The following NUDC variants were observed in gnomAD, a reference collection of about 807,000 sequenced individuals.
NUDC encodes the protein nuclear distribution C, dynein complex regulator, also known as nuclear migration protein nudC.
A neutral mutation model predicts 45.0 loss-of-function variants in NUDC; 14 were observed. The ratio of observed to expected loss-of-function variants is 0.31; its 90% CI spans 0.21 to 0.49. The LOEUF is 0.49. Ranked by LOEUF, NUDC falls within the 20% of genes least tolerant of loss-of-function variation. The probability of loss-of-function intolerance (pLI) is 0.99; values close to 1 mark genes in which losing one functional copy is unlikely to be tolerated. For missense variants in NUDC, 323 were observed against 426.2 expected (o/e 0.76, Z 2.13); for synonymous variants, 153 against 156.7 (o/e 0.98, Z 0.17).
Position 26,921,939 on chromosome 1 carries a change from C to G in NUDC, c.81+10C>G, listed in dbSNP as rs1014915250. Reference sequence around the variant, plus strand: ...GGGCGGCGTGCAGGAGGTAACGGCCCGCGCGGCGTCGGCCCACCCGGCGGC... The same window carrying G: ...GGGCGGCGTGCAGGAGGTAACGGCCGGCGCGGCGTCGGCCCACCCGGCGGC... On this transcript the variant is annotated intron_variant, in intron 1 of 8. Coordinates refer to ENST00000321265, the MANE Select transcript of NUDC (RefSeq NM_006600.4). 11 of 1,549,328 alleles carry G rather than the reference C, an allele frequency of 7.1e-6. No homozygotes were observed. Among genetic ancestry groups the G allele is most frequent in the Non-Finnish European group, 9.6e-6 (11 of 1,146,100 alleles).
chr1:26,913,241 C>T (rs988868139), intron 3 of NUDC, among the ~76,000 whole-genome samples: 1 of 152,044 alleles, frequency 6.6e-6, no homozygotes, highest in Non-Finnish European at 1.5e-5. Flanking sequence ...GAGCCAAGAT[C>T]GCACCACTGC....
intron 2 of NUDC, among the ~76,000 whole-genome samples, chr1:26,934,749 T>A (rs2082213219): frequency 6.6e-6 from 1 of 150,460 alleles, no homozygotes; most frequent in Non-Finnish European, 1.5e-5. Flanking sequence ...AAGCTCCGCC[T>A]CCTGGGTTCA....
intron 3 of NUDC, chr1:26,911,499 C>A: frequency 1.4e-5 from 5 of 352,412 alleles, no homozygotes; most frequent in South Asian, 1.2e-4. Context: ...GTGTTTCATA[C>A]CTTTTATTAC....
chr1:26,945,212 C>T, intron 6 of NUDC, 178 bp from the exon 7 acceptor site: 1 of 651,128 alleles, frequency 1.5e-6, no homozygotes, highest in Admixed American at 2.3e-5. Context: ...CTCTTTGCCT[C>T]TGTGTCTCCC....
rs150064860 is a variant in NUDC at position 26,937,189 on chromosome 1, C to T, written c.160-4268C>T. On this transcript the variant is annotated intron_variant, in intron 2 of 8. Coordinates refer to ENST00000321265, the MANE Select transcript of NUDC (RefSeq NM_006600.4). Reference sequence around the variant, plus strand: ...GTATGGGGGTGGGGCCTGGAGCCTCCGTACCCTCTCTGGGTGTGCCACCCT... The same window carrying T: ...GTATGGGGGTGGGGCCTGGAGCCTCTGTACCCTCTCTGGGTGTGCCACCCT... Among the ~76,000 whole-genome samples the T allele has an allele frequency of 2.0e-4, 30 of 152,286 alleles. No individual in the cohort carries two copies. In the East Asian group the frequency reaches 3.5e-3, roughly 18 times the overall value.
intron 2 of NUDC, among the ~76,000 whole-genome samples, chr1:26,937,711 G>C (rs1370134393): frequency 6.6e-6 from 1 of 151,310 alleles, no homozygotes; most frequent in East Asian, 2.0e-4. Flanking sequence ...GGGGTGCAGT[G>C]ATGTGATCAT....
At chr1:26,920,914 G>A (rs1179026137), upstream of NUDC, among the ~76,000 whole-genome samples, 1 of 152,164 alleles carries the variant, frequency 6.6e-6, no homozygotes, top group Non-Finnish European at 1.5e-5. Flanking sequence ...ACTCCAGCTT[G>A]GGTGACAATG....
intron 4 of NUDC, among the ~76,000 whole-genome samples, chr1:26,942,317 C>T (rs1173228122): frequency 2.0e-5 from 3 of 152,130 alleles, no homozygotes; most frequent in African/African-American, 7.2e-5. Flanking sequence ...AACCGACTGA[C>T]CTTAACCTGT....
chr1:26,900,525 T>C, intron 1 of NUDC: 1 of 1,183,774 alleles, frequency 8.4e-7, no homozygotes, highest in Non-Finnish European at 1.2e-6. Context: ...TGCGAGATTG[T>C]GAAAATTCTA....
chr1:26,929,684 G>T (rs1229592835), intron 2 of NUDC: 2 of 425,896 alleles, frequency 4.7e-6, no homozygotes, highest in Admixed American at 4.8e-5. Flanking sequence ...ATTTTTTGAT[G>T]AGTAAATATT....
chr1:26,904,048 TAATAAATA>T (rs1012765775), intron 2 of NUDC, among the ~76,000 whole-genome samples: 1 of 143,402 alleles, frequency 7.0e-6, no homozygotes, highest in African/African-American at 2.5e-5. Context: ...AATAAATAAA[TAATAAATA>T]AATAAATAAA....
chr1:26,930,104 T>C lies in NUDC; in HGVS notation c.159+5938T>C, dbSNP rs182582815. On this transcript the variant is annotated intron_variant, in intron 2 of 8. Transcript: ENST00000321265. ...TCTCCAGAAAAGCATACCAATTCTT[T>C]AAATATTACCAGAGATCCACATCCA... Among the ~76,000 whole-genome samples, 55 of 152,326 alleles carry C rather than the reference T, an allele frequency of 3.6e-4. No individual in the cohort carries two copies. In the East Asian group the frequency reaches 7.3e-3, roughly 20 times the overall value.
At chr1:26,922,986 T>C (rs1231209747) in intron 1 of NUDC, among the ~76,000 whole-genome samples, 1 of 152,220 alleles carries the variant, frequency 6.6e-6, no homozygotes, top group African/African-American at 2.4e-5. Context: ...ACGGAAACCA[T>C]TGAGATATGT....
chr1:26,944,416 T>C (rs1382197078), intron 6 of NUDC, among the ~76,000 whole-genome samples: 1 of 152,162 alleles, frequency 6.6e-6, no homozygotes, highest in Non-Finnish European at 1.5e-5. Flanking sequence ...CAGGCTGGTC[T>C]GAAACTCCTG....
chr1:26,929,006 G>C (rs1339895788), intron 2 of NUDC, among the ~76,000 whole-genome samples: 1 of 152,134 alleles, frequency 6.6e-6, no homozygotes, highest in African/African-American at 2.4e-5. Flanking sequence ...AAGGTGGAAG[G>C]AACCAAAGGC....
At chr1:26,901,621 TCTCGAA>T (rs2081979454) in intron 1 of NUDC, among the ~76,000 whole-genome samples, 1 of 151,992 alleles carries the variant, frequency 6.6e-6, no homozygotes, top group Non-Finnish European at 1.5e-5. Context: ...GTCAGGCTGG[TCTCGAA>T]CTCCTGACCT....
At chr1:26,918,450 T>A (rs559365910), upstream of NUDC, among the ~76,000 whole-genome samples, 3 of 152,084 alleles carry the variant, frequency 2.0e-5, no homozygotes, top group East Asian at 5.8e-4. Flanking sequence ...ATTTTTCGTA[T>A]TTTTTAGTAG....
intron 2 of NUDC, among the ~76,000 whole-genome samples, chr1:26,927,238 GGC>G (rs1212893848): frequency 8.3e-5 from 10 of 119,768 alleles, no homozygotes; most frequent in African/African-American, 2.8e-4. Flanking sequence ...GGAGCACAGT[GGC>G]TGTAAGAAGG....
chr1:26,901,162 T>C (rs1173265560), intron 1 of NUDC, among the ~76,000 whole-genome samples: 2 of 152,106 alleles, frequency 1.3e-5, no homozygotes, highest in African/African-American at 2.4e-5. Context: ...TCAGCACTTG[T>C]AGGTAATATT....
Sources: gnomAD v4.1 joint callset for allele counts (sites outside exome capture counted in the v4.1 genomes callset) on GRCh38, gnomAD v4.1.1 for gene constraint, MANE v1.5 for transcripts, NCBI Gene and HGNC (gene_info 2026-07-23, HGNC 2026-07-21) for gene names.